ELK3: variants seen among roughly 807,000 people sequenced by gnomAD.
ELK3 encodes the protein ETS domain-containing protein Elk-3.
A neutral mutation model predicts 28.9 loss-of-function variants in ELK3; 10 were observed. That is an observed-to-expected ratio of 0.35 (90% CI 0.21 to 0.59). The LOEUF is 0.59. ELK3 is among the 20% of genes least tolerant of loss of function. The pLI is 0.82. For synonymous variants in ELK3, 272 were observed against 243.5 expected (o/e 1.12, Z -1.09); for missense variants, 463 against 517.3 (o/e 0.90, Z 1.02).
intron 2 of ELK3, among the ~76,000 whole-genome samples, chr12:96,240,437 C>T (rs1951812970): frequency 6.6e-6 from 1 of 152,144 alleles, no homozygotes. Context: ...ATATGGATGT[C>T]TCATTCAGTC....
intron 1 of ELK3, among the ~76,000 whole-genome samples, chr12:96,210,830 C>T (rs917511656): frequency 6.6e-5 from 10 of 152,194 alleles, no homozygotes; most frequent in African/African-American, 9.7e-5. Flanking sequence ...ACAGATGAGG[C>T]AACACCAGAA....
At position 96,247,859 on chromosome 12, in the gene ELK3, T is replaced by G; in HGVS notation, c.1002+125T>G. 1.7e-6 allele frequency: 2 copies of G among 1,203,222 alleles called. No individual in the cohort carries two copies. Among genetic ancestry groups the G allele is most frequent in the South Asian group, 3.4e-5 (2 of 59,010 alleles). The allele number at this position is 1,203,222 out of a possible 1,614,324, so 74.5% of individuals were successfully genotyped here. ...GTCCTATGACTCGTACCGAGGTCACTGTGTAAATGTGAAGGGAAGCTGCTT... is the reference window on the plus strand; with the variant it reads ...GTCCTATGACTCGTACCGAGGTCACGGTGTAAATGTGAAGGGAAGCTGCTT... On this transcript the variant is annotated intron_variant, in intron 3 of 4. Transcript: ENST00000228741. The surrounding 1 kb of genome is among the most constrained non-coding windows in gnomAD (Gnocchi z 5.5).
At chr12:96,226,772 AAAGTTAG>A (rs568021869) in intron 2 of ELK3, among the ~76,000 whole-genome samples, 61 of 152,318 alleles carry the variant, frequency 4.0e-4, no homozygotes, top group African/African-American at 1.4e-3. Flanking sequence ...AGCAAGACGG[AAAGTTAG>A]ACTCTTAATA....
chr12:96,216,207 C>T (rs1314875732), intron 1 of ELK3, among the ~76,000 whole-genome samples: 4 of 152,076 alleles, frequency 2.6e-5, no homozygotes, highest in Admixed American at 2.6e-4. Context: ...GCTATCTGAC[C>T]CAACAGCTCT....
At chr12:96,227,699 C>A (rs575758802) in intron 2 of ELK3, among the ~76,000 whole-genome samples, 2 of 152,292 alleles carry the variant, frequency 1.3e-5, no homozygotes, top group East Asian at 3.9e-4. Flanking sequence ...TCAGAGTGTT[C>A]TTTTCCTCCC....
In ELK3 at chr12:96,229,525, T is replaced by C. The variant is rs1951726493; in HGVS notation, c.207+5752T>C. Among the ~76,000 whole-genome samples the C allele has an allele frequency of 1.7e-3, 9 of 5,232 alleles. No individual in the cohort carries two copies. In the South Asian group the frequency reaches 0.076, roughly 44 times the overall value. 3.4% of individuals were successfully genotyped at this position (5,232 alleles called of 152,430 possible). A position where few individuals can be genotyped will look rare whatever the true frequency, so the allele number is the denominator to read the frequency against. On this transcript the variant is annotated intron_variant, in intron 2 of 4. Transcript: ENST00000228741. Reference sequence around the variant, plus strand: ...CCATTCTGTGTGTCCAGATTTTCCTTTTTTTTTTTTTTTTTTTTTTTTTTG... The same window carrying C: ...CCATTCTGTGTGTCCAGATTTTCCTCTTTTTTTTTTTTTTTTTTTTTTTTG...
Position 96,247,732 on chromosome 12 carries a change from C to A in ELK3, c.1000C>A (p.Gln334Lys). 1 of 1,563,188 alleles carries A rather than the reference C, an allele frequency of 6.4e-7. No individual in the cohort carries two copies. The highest frequency in any genetic ancestry group is 8.6e-7 in the Non-Finnish European group (1 of 1,156,698). Reference sequence around the variant, plus strand: ...CCTCACCCCAGCCTTCTTCACCGCACAGGTAAGAGTCATTCCTGTCATCTA... The same window carrying A: ...CCTCACCCCAGCCTTCTTCACCGCAAAGGTAAGAGTCATTCCTGTCATCTA... ...GSLTPAFFTA[Q>K]TPNGLLLTPS... Residue 334 changes from glutamine (Q) to lysine (K), a missense_variant and splice_region_variant, in exon 3 of 5, where the codon CAG (glutamine) becomes AAG (lysine). Transcript: ENST00000228741. This position sits in a 1 kb window ranked among gnomAD's most constrained non-coding sequence, Gnocchi z 5.5.
At chr12:96,231,655 G>C (rs1477454717) in intron 2 of ELK3, among the ~76,000 whole-genome samples, 2 of 152,140 alleles carry the variant, frequency 1.3e-5, no homozygotes, top group East Asian at 3.8e-4. Context: ...ACCATTCCCA[G>C]CTAGGTTTTG....
chr12:96,269,631 A>G lies in ELK3; in HGVS notation c.*2451A>G, dbSNP rs1028255921. On this transcript the variant is annotated 3_prime_UTR_variant, in exon 5 of 5. Transcript: ENST00000228741. ...ACTCAGAAAATAGGTTTCAAAGAACATTAATGACTTTCTTTTCCCTTTTAT... is the reference window on the plus strand; with the variant it reads ...ACTCAGAAAATAGGTTTCAAAGAACGTTAATGACTTTCTTTTCCCTTTTAT... The G allele has an allele frequency of 6.6e-6, 1 of 152,242 alleles. No homozygotes were observed. The highest frequency in any genetic ancestry group is 1.5e-5 in the Non-Finnish European group (1 of 68,044). The allele number at this position is 152,242 out of a possible 1,614,324, so 9.4% of individuals were successfully genotyped here. A position where few individuals can be genotyped will look rare whatever the true frequency, so the allele number is the denominator to read the frequency against.
Position 96,211,487 on chromosome 12 carries a change from T to G in ELK3, c.-2-12078T>G, listed in dbSNP as rs1235133235. 3.1e-4 allele frequency among the ~76,000 whole-genome samples: 17 copies of G among 54,500 alleles called. No homozygotes were observed. In the East Asian group the frequency reaches 5.0e-3, roughly 16 times the overall value. 35.8% of individuals were successfully genotyped at this position (54,500 alleles called of 152,430 possible). On this transcript the variant is annotated intron_variant, in intron 1 of 4. Coordinates refer to ENST00000228741, the MANE Select transcript of ELK3 (RefSeq NM_005230.4). ...CTGCCCTGGGGATGTCATTGTGTGT[T>G]TGTGTGTGTGTGTGTGTGTGTGTGT... is the stretch of plus-strand genomic sequence containing the variant.
intron 1 of ELK3, among the ~76,000 whole-genome samples, chr12:96,196,416 G>C (rs1462216650): frequency 4.7e-5 from 1 of 21,436 alleles, no homozygotes; most frequent in African/African-American, 2.1e-4. Context: ...GCTTGTCTTT[G>C]GGGGTGGGGG....
intron 3 of ELK3, among the ~76,000 whole-genome samples, chr12:96,252,443 C>G (rs1951914417): frequency 6.6e-6 from 1 of 152,048 alleles, no homozygotes; most frequent in East Asian, 1.9e-4. Flanking sequence ...TGGATCTGGG[C>G]AAAGTCAATT....
rs1473156463 is a variant in ELK3 at position 96,247,956 on chromosome 12, G to C, written c.1002+222G>C. On this transcript the variant is annotated intron_variant, in intron 3 of 4. Transcript: ENST00000228741. The surrounding 1 kb of genome is among the most constrained non-coding windows in gnomAD (Gnocchi z 5.5). ...TCGACTCTAGTGGGATGCTTGATTG[G>C]TTTCTTGCTTTTAGCGGCCTAAAGT... is the stretch of plus-strand genomic sequence containing the variant. Among the ~76,000 whole-genome samples, 1 of 152,206 alleles carries C rather than the reference G, an allele frequency of 6.6e-6. No homozygotes were observed. The highest frequency in any genetic ancestry group is 1.5e-5 in the Non-Finnish European group (1 of 68,032).
At chr12:96,256,676 G>A (rs889293105) in intron 3 of ELK3, among the ~76,000 whole-genome samples, 7 of 152,200 alleles carry the variant, frequency 4.6e-5, no homozygotes, top group African/African-American at 1.7e-4. Context: ...ACCATAATAG[G>A]AGGCAGAACA....
chr12:96,257,013 T>C (rs1951954958), intron 3 of ELK3, among the ~76,000 whole-genome samples: 1 of 152,214 alleles, frequency 6.6e-6, no homozygotes, highest in Non-Finnish European at 1.5e-5. Context: ...GCCTGTGGCA[T>C]CTCCTTTCCC....
intron 3 of ELK3, among the ~76,000 whole-genome samples, chr12:96,248,214 G>A (rs558156350): frequency 1.3e-5 from 2 of 152,300 alleles, no homozygotes; most frequent in African/African-American, 4.8e-5. Context: ...TGGTCATAGC[G>A]TAGGTAATAA....
chr12:96,199,043 G>A (rs945681431), intron 1 of ELK3, among the ~76,000 whole-genome samples: 1 of 152,082 alleles, frequency 6.6e-6, no homozygotes, highest in Non-Finnish European at 1.5e-5. Flanking sequence ...CTGCCCTCTT[G>A]AAAGACTGAG....
chr12:96,262,722 G>A (rs1180566232), intron 4 of ELK3, among the ~76,000 whole-genome samples: 1 of 152,074 alleles, frequency 6.6e-6, no homozygotes, highest in Non-Finnish European at 1.5e-5. Flanking sequence ...ATATGGTAGA[G>A]GAATAACTTT....
chr12:96,227,478 T>C (rs1951710437), intron 2 of ELK3, among the ~76,000 whole-genome samples: 2 of 152,018 alleles, frequency 1.3e-5, no homozygotes, highest in South Asian at 2.1e-4. Context: ...ATATGTTATA[T>C]GTTATATTTT....
Sources: allele counts gnomAD v4.1 joint callset (sites outside exome capture counted in the v4.1 genomes callset), GRCh38; gene constraint gnomAD v4.1.1; non-coding constraint Gnocchi (gnomAD v3.1); transcripts MANE v1.5; gene names NCBI Gene and HGNC (gene_info 2026-07-23, HGNC 2026-07-21).